The following TSC2 variants were observed in gnomAD, a reference collection of about 807,000 sequenced individuals.
TSC2 encodes tuberin.
TSC2 carries 29 observed loss-of-function variants against 202.2 expected under a neutral mutation model. The ratio of observed to expected loss-of-function variants is 0.14; its 90% CI spans 0.11 to 0.20. The LOEUF is 0.20. Among genes scored for constraint, TSC2 ranks in the 10% least tolerant of loss-of-function variants. The pLI, the probability that TSC2 is intolerant of heterozygous loss-of-function variation, is 1.00. For synonymous variants in TSC2, 1,349 were observed against 1,044.0 expected (o/e 1.29, Z -5.63); for missense variants, 2,429 against 2,420.0 (o/e 1.00, Z -0.08).
intron 24 of TSC2, 41 bp downstream of exon 24, chr16:2,076,211 C>T (rs371903318): frequency 1.1e-5 from 17 of 1,611,918 alleles, no homozygotes; most frequent in East Asian, 2.2e-5. Flanking sequence ...CTCGGTAGGC[C>T]AGGGCTTGCT....
At position 2,072,310 on chromosome 16, in the gene TSC2, A is replaced by G. The variant is rs764725850; in HGVS notation, c.2167A>G (p.Ile723Val). The G allele has an allele frequency of 1.2e-5, 20 of 1,614,146 alleles. No individual in the cohort carries two copies. The highest frequency in any genetic ancestry group is 1.7e-5 in the Non-Finnish European group (20 of 1,180,040). ...TGAGTCCCTGCGCTATAAAGTGCTC[A>G]TCTTTACTTCCCCTTGCAGTGTGGA... ...LPESLRYKVL[I>V]FTSPCSVDQL... Residue 723 changes from isoleucine to valine, a missense_variant, in exon 20 of 42, where the codon ATC (isoleucine) becomes GTC (valine). Physicochemically the swap from Ile to Val is conservative, Grantham distance 29. Transcript: ENST00000219476.
At chr16:2,060,974 C>A in intron 11 of TSC2, 161 bp downstream of exon 11, 1 of 916,496 alleles carries the variant, frequency 1.1e-6, no homozygotes, top group Non-Finnish European at 1.6e-6. Flanking sequence ...CACCTTCCAC[C>A]GGAGACAGGT....
chr16:2,078,853 C>T (rs2089756988), intron 26 of TSC2, 179 bp from the exon 27 acceptor site: 2 of 763,706 alleles, frequency 2.6e-6, no homozygotes, highest in Non-Finnish European at 4.4e-6. Flanking sequence ...TCCCCGTTCT[C>T]TGGGACAATG....
intron 32 of TSC2, chr16:2,082,763 TG>T: frequency 1.7e-6 from 1 of 578,512 alleles, no homozygotes; most frequent in Non-Finnish European, 3.1e-6. Context: ...GCCTGAGGGG[TG>T]GGGGTGGCCT....
At position 2,086,162 on chromosome 16, in the gene TSC2, ATGCCACCC is replaced by A. The variant is rs1172708297; in HGVS notation, c.4663-26_4663-19del. On this transcript the variant is annotated intron_variant, in intron 36 of 41. Coordinates refer to ENST00000219476, the MANE Select transcript of TSC2 (RefSeq NM_000548.5). Reference sequence around the variant, plus strand: ...CGGGGCAGGGCCCGGCCCGGGAGTGATGCCACCCTGCCTCTCCCCTCTCCCCACAGAGC... The same window carrying A: ...CGGGGCAGGGCCCGGCCCGGGAGTGATGCCTCTCCCCTCTCCCCACAGAGC... The A allele has an allele frequency of 2.5e-6, 4 of 1,611,466 alleles. No individual in the cohort carries two copies. In the Admixed American group the frequency reaches 6.7e-5, roughly 27 times the overall value.
At chr16:2,063,408 A>C in intron 14 of TSC2, 1 of 413,102 alleles carries the variant, frequency 2.4e-6, no homozygotes, top group Non-Finnish European at 4.5e-6. Flanking sequence ...CCTGACGTTC[A>C]CCCTGTGCAC....
chr16:2,084,302 G>A lies in TSC2; in HGVS notation c.4080G>A (p.Glu1360=), dbSNP rs786203798. 5.0e-6 allele frequency: 8 copies of A among 1,612,622 alleles called. No homozygotes were observed. Among genetic ancestry groups the A allele is most frequent in the African/African-American group, 1.3e-5 (1 of 74,950 alleles). ...TGGTTGGCAGGGGCATCCCCATCGA[G>A]CGAGTCGTCTCCTCGGAGGGTGGCC... is the stretch of plus-strand genomic sequence containing the variant. ...EELVGRGIPI[E]RVVSSEGGRP... The change falls in exon 34 of 42, where the codon GAG becomes GAA. Residue 1360 remains glutamate (E), a synonymous_variant. Transcript: ENST00000219476.
intron 32 of TSC2, chr16:2,083,464 G>A (rs1351941850): frequency 2.9e-6 from 2 of 693,794 alleles, no homozygotes; most frequent in South Asian, 1.6e-5. Flanking sequence ...AGAGCCGATT[G>A]CCTGCCCAAC....
rs550992880 is a variant in TSC2 at position 2,082,379 on chromosome 16, G to C, written c.3815-57G>C. ...GGCACGGGGCCTGTGCTCTCTGCTC[G>C]ACCTGTGTGTAGCCCCTCCTCCTGC... On this transcript the variant is annotated intron_variant, in intron 31 of 41. Coordinates refer to ENST00000219476, the MANE Select transcript of TSC2 (RefSeq NM_000548.5). The C allele has an allele frequency of 3.1e-6, 5 of 1,594,242 alleles. No homozygotes were observed. In the Admixed American group the frequency reaches 5.0e-5, roughly 16 times the overall value.
At chr16:2,073,186 G>T (rs1166828162) in intron 21 of TSC2, among the ~76,000 whole-genome samples, 1 of 152,220 alleles carries the variant, frequency 6.6e-6, no homozygotes, top group African/African-American at 2.4e-5. Flanking sequence ...TTGGGGCCTG[G>T]GAGCCATCCA....
chr16:2,062,958 C>T lies in TSC2; in HGVS notation c.1362-14C>T, dbSNP rs2151170195. 1.9e-6 allele frequency: 3 copies of T among 1,549,074 alleles called. No individual in the cohort carries two copies. Among genetic ancestry groups the T allele is most frequent in the Non-Finnish European group, 1.7e-6 (2 of 1,146,678 alleles). ...GGCACTCCCCACCCGCCCCAGCAGGCTGCCGTCCCGCAGGAGCGAGTCCCG... is the reference window on the plus strand; with the variant it reads ...GGCACTCCCCACCCGCCCCAGCAGGTTGCCGTCCCGCAGGAGCGAGTCCCG... On this transcript the variant is annotated splice_polypyrimidine_tract_variant and intron_variant, in intron 13 of 41. Transcript: ENST00000219476.
In TSC2 at chr16:2,088,654, T is replaced by C. The variant is rs188991734; in HGVS notation, c.*44T>C. The C allele has an allele frequency of 3.9e-5, 62 of 1,572,804 alleles. No individual in the cohort carries two copies. In the Admixed American group the frequency reaches 5.9e-4, roughly 15 times the overall value. On this transcript the variant is annotated 3_prime_UTR_variant, in exon 42 of 42. Coordinates refer to ENST00000219476, the MANE Select transcript of TSC2 (RefSeq NM_000548.5). Reference sequence around the variant, plus strand: ...TGCACTGGCCTTGGACGGTATTGCCTGTCAGTGAAATAAATAAAGTCCTGA... The same window carrying C: ...TGCACTGGCCTTGGACGGTATTGCCCGTCAGTGAAATAAATAAAGTCCTGA...
intron 2 of TSC2, among the ~76,000 whole-genome samples, 194 bp from the exon 3 acceptor site, chr16:2,050,206 C>CCGCT: frequency 6.6e-6 from 1 of 152,142 alleles, no homozygotes; most frequent in Non-Finnish European, 1.5e-5. Flanking sequence ...ATCCACCTGC[C>CCGCT]TTGGCCCCCC....
Position 2,062,902 on chromosome 16 carries a change from A to C in TSC2, c.1362-70A>C, listed in dbSNP as rs45517168. The C allele has an allele frequency of 2.1e-4, 322 of 1,515,838 alleles. No homozygotes were observed. The highest frequency in any genetic ancestry group is 2.7e-4 in the Non-Finnish European group (299 of 1,124,614). The allele number at this position is 1,515,838 out of a possible 1,614,324, so 93.9% of individuals were successfully genotyped here. Reference sequence around the variant, plus strand: ...ACCCAGAGTCGGGCTGGCCTGCGCCAGGCAGACGGGCTGGTGTGGGGCTGT... The same window carrying C: ...ACCCAGAGTCGGGCTGGCCTGCGCCCGGCAGACGGGCTGGTGTGGGGCTGT... On this transcript the variant is annotated intron_variant, in intron 13 of 41. Coordinates refer to ENST00000219476, the MANE Select transcript of TSC2 (RefSeq NM_000548.5).
chr16:2,070,007 C>T (rs997356001), intron 16 of TSC2, among the ~76,000 whole-genome samples: 2 of 152,212 alleles, frequency 1.3e-5, no homozygotes, highest in Non-Finnish European at 2.9e-5. Context: ...CAGAGTGCTG[C>T]AAAGGGTCCC....
At position 2,060,793 on chromosome 16, in the gene TSC2, C is replaced by T. The variant is rs757844109; in HGVS notation, c.1099C>T (p.Arg367Trp). Residue 367 changes from arginine (R) to tryptophan (W), a missense_variant, in exon 11 of 42, where the codon CGG becomes TGG. Physicochemically the swap from Arg to Trp is moderately radical, Grantham distance 101. Coordinates refer to ENST00000219476, the MANE Select transcript of TSC2 (RefSeq NM_000548.5). ...AWDILLNIIE[R>W]LLQQLQTLDS... ...GGACATTCTGCTGAACATCATCGAA[C>T]GGCTCCTTCAGCAGCTCCAGGTGGG... is the stretch of plus-strand genomic sequence containing the variant. 8 of 1,613,702 alleles carry T rather than the reference C, an allele frequency of 5.0e-6. No homozygotes were observed. The highest frequency in any genetic ancestry group is 1.3e-5 in the African/African-American group (1 of 75,032).
chr16:2,088,358 G>GCTGGCTGCC, intron 41 of TSC2, 33 bp downstream of exon 41: 1 of 1,612,258 alleles, frequency 6.2e-7, no homozygotes, highest in South Asian at 1.1e-5. Flanking sequence ...AGCGGGGTGT[G>GCTGGCTGCC]CTGGCTGCCC....
intron 11 of TSC2, chr16:2,061,050 G>A: frequency 3.5e-6 from 2 of 575,236 alleles, no homozygotes; most frequent in South Asian, 1.9e-5. Flanking sequence ...GTGAGCCGGG[G>A]CTGGGCCAGT....
intron 32 of TSC2, chr16:2,083,441 C>G: frequency 1.6e-6 from 1 of 622,822 alleles, no homozygotes; most frequent in Non-Finnish European, 2.9e-6. Flanking sequence ...TGCTGGTGGA[C>G]ACTAGGGTGG....
Sources: gnomAD v4.1 joint callset for allele counts (sites outside exome capture counted in the v4.1 genomes callset) on GRCh38, gnomAD v4.1.1 for gene constraint, MANE v1.5 for transcripts, NCBI Gene and HGNC (gene_info 2026-07-23, HGNC 2026-07-21) for gene names.